The following PRKD2 variants were observed in gnomAD, a reference collection of about 807,000 sequenced individuals.
PRKD2 encodes serine/threonine-protein kinase D2.
A neutral mutation model predicts 86.0 loss-of-function variants in PRKD2; 22 were observed. The ratio of observed to expected loss-of-function variants is 0.26; its 90% CI spans 0.18 to 0.37. The LOEUF is 0.37. Among genes scored for constraint, PRKD2 ranks in the 10% least tolerant of loss-of-function variants. The probability of loss-of-function intolerance (pLI) is 1.00; values close to 1 mark genes in which losing one functional copy is unlikely to be tolerated. For missense variants in PRKD2, 818 were observed against 1,199.2 expected, an observed-to-expected ratio of 0.68 and a Z score of 4.70; for synonymous variants, 509 against 510.9, an observed-to-expected ratio of 1.00 and a Z score of 0.05.
chr19:46,697,614 A>T, intron 8 of PRKD2, 119 bp downstream of exon 8: 1 of 884,100 alleles, frequency 1.1e-6, no homozygotes, highest in Non-Finnish European at 1.8e-6. Context: ...GGCCCAGCCC[A>T]CTACTGGCCC....
intron 2 of PRKD2, 87 bp from the exon 3 acceptor site, chr19:46,711,125 T>C (rs1457818508): frequency 2.0e-6 from 3 of 1,471,290 alleles, no homozygotes; most frequent in Non-Finnish European, 2.7e-6. Flanking sequence ...CTCACAGTGC[T>C]CCCAGCCGCA....
At chr19:46,701,653 TTGTG>T (rs111858403) in intron 5 of PRKD2, among the ~76,000 whole-genome samples, 135 of 147,846 alleles carry the variant, frequency 9.1e-4, no homozygotes, top group Middle Eastern at 3.5e-3. Context: ...CGCGCCCGAC[TTGTG>T]TGTGTGTGTG....
At chr19:46,698,877 G>T (rs1037816741) in intron 7 of PRKD2, among the ~76,000 whole-genome samples, 6 of 152,100 alleles carry the variant, frequency 3.9e-5, no homozygotes, top group African/African-American at 1.4e-4. Flanking sequence ...TTCCCCATCT[G>T]TGAAATGGGC....
chr19:46,716,432 G>A lies in PRKD2; in HGVS notation c.-62C>T, dbSNP rs1005648410. The A allele has an allele frequency of 2.8e-6, 3 of 1,088,100 alleles. No homozygotes were observed. The highest frequency in any genetic ancestry group is 2.5e-6 in the Non-Finnish European group (2 of 799,990). 67.4% of individuals were successfully genotyped at this position (1,088,100 alleles called of 1,614,324 possible). A position where few individuals can be genotyped will look rare whatever the true frequency, so the allele number is the denominator to read the frequency against. ...CGGGACCCGGCCGGGGGGCCCCGGG[G>A]GACCCTGGGTTCTAGATCCGCGGGA... On this transcript the variant is annotated 5_prime_UTR_variant, in exon 1 of 18. Transcript: ENST00000291281. This position sits in a 1 kb window ranked among gnomAD's most constrained non-coding sequence, Gnocchi z 7.9.
rs2053888756 is a variant in PRKD2 at position 46,716,986 on chromosome 19, C to A, written c.-616G>T. The A allele has an allele frequency of 6.6e-6, 1 of 151,982 alleles. No homozygotes were observed. Among genetic ancestry groups the A allele is most frequent in the African/African-American group, 2.4e-5 (1 of 41,160 alleles). 9.4% of individuals were successfully genotyped at this position (151,982 alleles called of 1,614,324 possible). A position where few individuals can be genotyped will look rare whatever the true frequency, so the allele number is the denominator to read the frequency against. ...AGTTGGAGAAAAGTTCGGTCGGGAG[C>A]CGTGAGGAAGGGGGCGTTGCCGGAG... On this transcript the variant is annotated 5_prime_UTR_variant, in exon 1 of 18. Coordinates refer to ENST00000291281, the MANE Select transcript of PRKD2 (RefSeq NM_016457.5). The surrounding 1 kb of genome is among the most constrained non-coding windows in gnomAD (Gnocchi z 7.9).
At chr19:46,700,977 G>A in intron 6 of PRKD2, 25 bp from the exon 7 acceptor site, 1 of 1,614,170 alleles carries the variant, frequency 6.2e-7, no homozygotes, top group East Asian at 2.2e-5. Flanking sequence ...GCATCAGAGG[G>A]GTCTCCACCC....
rs1271193469 is a variant in PRKD2 at position 46,700,722 on chromosome 19, T to C, written c.1121+77A>G. 4 of 1,532,272 alleles carry C rather than the reference T, an allele frequency of 2.6e-6. No individual in the cohort carries two copies. The Admixed American group carries it at 5.7e-5, about 22-fold the overall frequency. 94.9% of individuals were successfully genotyped at this position (1,532,272 alleles called of 1,614,324 possible). A position where few individuals can be genotyped will look rare whatever the true frequency, so the allele number is the denominator to read the frequency against. ...ATAAATATGAGGTGATGTCAGCCCATTGTAGAGAAAAAGAAATTGAGGTTC... is the reference window on the plus strand; with the variant it reads ...ATAAATATGAGGTGATGTCAGCCCACTGTAGAGAAAAAGAAATTGAGGTTC... On this transcript the variant is annotated intron_variant, in intron 7 of 17. Coordinates refer to ENST00000291281, the MANE Select transcript of PRKD2 (RefSeq NM_016457.5).
At chr19:46,697,450 C>T in intron 8 of PRKD2, 1 of 567,456 alleles carries the variant, frequency 1.8e-6, no homozygotes, top group East Asian at 3.0e-5. Flanking sequence ...TAACCCCAGA[C>T]TCGCCCCCAC....
intron 3 of PRKD2, chr19:46,709,358 T>C: frequency 6.0e-6 from 1 of 166,526 alleles, no homozygotes; most frequent in Middle Eastern, 5.2e-4. Context: ...CATGGAGGTA[T>C]TTTCTTTTCT....
intron 8 of PRKD2, chr19:46,697,453 G>GC (rs968926330): frequency 2.3e-5 from 6 of 261,580 alleles, no homozygotes; most frequent in Non-Finnish European, 3.8e-5. Context: ...CCCCAGACTC[G>GC]CCCCCACTTA....
intron 1 of PRKD2, chr19:46,714,320 T>TGAACA: frequency 1.8e-6 from 2 of 1,122,836 alleles, no homozygotes; most frequent in Non-Finnish European, 2.2e-6. Context: ...GGATGCTGAA[T>TGAACA]GAACACTCCC....
chr19:46,679,370 T>G lies in PRKD2; in HGVS notation c.2071-707A>C, dbSNP rs2053261873. 2.0e-5 allele frequency among the ~76,000 whole-genome samples: 3 copies of G among 152,164 alleles called. No individual in the cohort carries two copies. In the South Asian group the frequency reaches 6.2e-4, roughly 31 times the overall value. On this transcript the variant is annotated intron_variant, in intron 15 of 17. Coordinates refer to ENST00000291281, the MANE Select transcript of PRKD2 (RefSeq NM_016457.5). Reference sequence around the variant, plus strand: ...AAAACATGAAACATAATGGAGATCTTAACAGTCCCTACCTTAAAGGGTGCT... The same window carrying G: ...AAAACATGAAACATAATGGAGATCTGAACAGTCCCTACCTTAAAGGGTGCT...
chr19:46,690,966 T>C (rs768171253), intron 12 of PRKD2, among the ~76,000 whole-genome samples: 12 of 152,108 alleles, frequency 7.9e-5, no homozygotes, highest in Non-Finnish European at 1.6e-4. Flanking sequence ...TTATAACCAG[T>C]CGGAATCTAG....
chr19:46,700,646 A>T lies in PRKD2; in HGVS notation c.1121+153T>A, dbSNP rs190487720. On this transcript the variant is annotated intron_variant, in intron 7 of 17. Coordinates refer to ENST00000291281, the MANE Select transcript of PRKD2 (RefSeq NM_016457.5). ...CCCTGTCTCAAACAAAAAATTATTT[A>T]AAAAAAATTGTAGTGCTTTAAAAGG... 6.9e-4 allele frequency among the ~76,000 whole-genome samples: 105 copies of T among 152,274 alleles called. 2 individuals are homozygous for T. The highest frequency in any genetic ancestry group is 5.0e-3 in the Admixed American group (77 of 15,290).
intron 3 of PRKD2, among the ~76,000 whole-genome samples, chr19:46,708,579 G>T (rs2053752198): frequency 6.6e-6 from 1 of 151,710 alleles, no homozygotes; most frequent in Admixed American, 6.6e-5. Context: ...CCAAAGTGCT[G>T]GGATTATAGG....
At position 46,713,939 on chromosome 19, in the gene PRKD2, C is replaced by A; in HGVS notation, c.303G>T (p.Thr101=). ...GCACCAGCTGCAGGAGGTTGGCCGA[C>A]GTGGGGTCATGTTTGAAAAGCAGGA... The part of the protein sequence containing the change: ...DKILLFKHDP[T]SANLLQLVRS... The change falls in exon 2 of 18, where the codon ACG becomes ACT. Residue 101 remains threonine, a synonymous_variant. Coordinates refer to ENST00000291281, the MANE Select transcript of PRKD2 (RefSeq NM_016457.5). The A allele has an allele frequency of 6.2e-7, 1 of 1,613,468 alleles. No homozygotes were observed. Among genetic ancestry groups the A allele is most frequent in the East Asian group, 2.2e-5 (1 of 44,874 alleles).
chr19:46,697,444 C>T, intron 8 of PRKD2: 1 of 586,914 alleles, frequency 1.7e-6, no homozygotes, highest in Non-Finnish European at 3.0e-6. Flanking sequence ...ACGCCCTAAC[C>T]CCAGACTCGC....
chr19:46,712,224 A>G (rs1219261902), intron 2 of PRKD2, among the ~76,000 whole-genome samples: 1 of 151,942 alleles, frequency 6.6e-6, no homozygotes, highest in Non-Finnish European at 1.5e-5. Flanking sequence ...AGCCTGGGTG[A>G]CAGAACAAGA....
intron 14 of PRKD2, among the ~76,000 whole-genome samples, chr19:46,686,375 C>T (rs945267780): frequency 6.6e-6 from 1 of 151,636 alleles, no homozygotes; most frequent in African/African-American, 2.4e-5. Flanking sequence ...TGGCTCATGC[C>T]TGTGGTTCCA....
Sources: allele counts gnomAD v4.1 joint callset (sites outside exome capture counted in the v4.1 genomes callset), GRCh38; gene constraint gnomAD v4.1.1; non-coding constraint Gnocchi (gnomAD v3.1); transcripts MANE v1.5; gene names NCBI Gene and HGNC (gene_info 2026-07-23, HGNC 2026-07-21).